OPCML: variants seen among roughly 807,000 people sequenced by gnomAD.
OPCML encodes opioid binding protein/cell adhesion molecule like.
Under a neutral mutation model 37.8 loss-of-function variants are expected in OPCML, and 13 were observed. The observed-to-expected ratio is 0.34, with a 90% CI of 0.22 to 0.55. OPCML has a LOEUF of 0.55. Among genes scored for constraint, OPCML ranks in the 20% least tolerant of loss-of-function variants. OPCML has a pLI of 0.91. For synonymous variants in OPCML, 176 were observed against 168.8 expected (o/e 1.04, Z -0.33); for missense variants, 341 against 435.6 (o/e 0.78, Z 1.93).
At chr11:133,297,762 ATC>A (rs1277454613) in intron 1 of OPCML, 2 of 152,084 alleles carry the variant, frequency 1.3e-5, no homozygotes, top group Admixed American at 6.6e-5. Flanking sequence ...CTAGAGCATG[ATC>A]TCTCTCTCTT....
intron 1 of OPCML, among the ~76,000 whole-genome samples, chr11:133,450,146 C>T (rs1484723051): frequency 6.6e-6 from 1 of 151,778 alleles, no homozygotes; most frequent in South Asian, 2.1e-4. Flanking sequence ...AAAGTCTTCA[C>T]ATCACTGCGA....
intron 1 of OPCML, among the ~76,000 whole-genome samples, chr11:133,510,625 G>A (rs1948134871): frequency 6.6e-6 from 1 of 152,126 alleles, no homozygotes; most frequent in Non-Finnish European, 1.5e-5. Context: ...CAGTGATTTA[G>A]GATAGCATGT....
chr11:133,088,557 T>C (rs1378508537), intron 1 of OPCML, among the ~76,000 whole-genome samples: 1 of 152,210 alleles, frequency 6.6e-6, no homozygotes, highest in Non-Finnish European at 1.5e-5. Flanking sequence ...TCCAATGAAT[T>C]GGGTTACAAT....
intron 1 of OPCML, among the ~76,000 whole-genome samples, chr11:133,083,775 G>A (rs1724192911): frequency 6.6e-6 from 1 of 152,224 alleles, no homozygotes; most frequent in Non-Finnish European, 1.5e-5. Context: ...GACCAGCCCA[G>A]GATCCCACAT....
At chr11:133,452,374 T>C (rs886546198) in intron 1 of OPCML, among the ~76,000 whole-genome samples, 2 of 151,668 alleles carry the variant, frequency 1.3e-5, no homozygotes, top group Admixed American at 6.6e-5. Context: ...CTTTTAAAAA[T>C]AGTTCTTTTA....
intron 2 of OPCML, among the ~76,000 whole-genome samples, chr11:132,711,343 TA>T (rs1196166616): frequency 6.6e-6 from 1 of 152,216 alleles, no homozygotes; most frequent in Non-Finnish European, 1.5e-5. Flanking sequence ...TGACATTCAA[TA>T]GGGCAAATGC....
intron 1 of OPCML, among the ~76,000 whole-genome samples, chr11:133,336,664 A>G (rs532997135): frequency 6.6e-6 from 1 of 152,362 alleles, no homozygotes; most frequent in African/African-American, 2.4e-5. Context: ...TGAGCATTTC[A>G]CTTGGAGTGA....
intron 3 of OPCML, among the ~76,000 whole-genome samples, chr11:132,625,485 G>A (rs1478636940): frequency 1.3e-5 from 2 of 152,104 alleles, no homozygotes; most frequent in East Asian, 1.9e-4. Context: ...TCTCTGAGCC[G>A]AGGCAGTTAC....
intron 4 of OPCML, among the ~76,000 whole-genome samples, chr11:132,463,643 C>T (rs2096110259): frequency 6.6e-6 from 1 of 152,202 alleles, no homozygotes; most frequent in Non-Finnish European, 1.5e-5. Flanking sequence ...AGGTATATCT[C>T]CTGAGCCATT....
intron 1 of OPCML, among the ~76,000 whole-genome samples, chr11:132,950,554 A>G (rs906997094): frequency 2.0e-5 from 3 of 152,210 alleles, no homozygotes; most frequent in Admixed American, 2.0e-4. Flanking sequence ...TCAGGACGAC[A>G]GTGGGAGAAA....
At chr11:132,651,607 C>A (rs776987194) in intron 3 of OPCML, among the ~76,000 whole-genome samples, 1 of 152,132 alleles carries the variant, frequency 6.6e-6, no homozygotes, top group African/African-American at 2.4e-5. Flanking sequence ...ATGTAAGGAA[C>A]GGCTGAGATA....
In OPCML at chr11:132,970,211, T is replaced by C. The variant is rs550249653; in HGVS notation, c.62-27201A>G. ...CTTCATTATGTGTTTTCAAAATACA[T>C]GTTTTTCACTTTTAAATTCATTTTA... On this transcript the variant is annotated intron_variant, in intron 1 of 7. Transcript: ENST00000524381. Among the ~76,000 whole-genome samples the C allele has an allele frequency of 2.2e-4, 33 of 152,298 alleles. 1 individual carries two copies. The South Asian group carries it at 2.7e-3, about 12-fold the overall frequency.
chr11:132,626,104 C>T (rs1265946499), intron 3 of OPCML, among the ~76,000 whole-genome samples: 1 of 151,668 alleles, frequency 6.6e-6, no homozygotes, highest in African/African-American at 2.4e-5. Flanking sequence ...ATAAATAAAA[C>T]AAGTAAGGAC....
intron 1 of OPCML, among the ~76,000 whole-genome samples, chr11:133,198,006 C>T (rs1448939180): frequency 2.0e-5 from 3 of 152,196 alleles, no homozygotes; most frequent in Admixed American, 1.3e-4. Flanking sequence ...GACAGACGAC[C>T]TATTTTCAAG....
chr11:132,463,897 A>G (rs1394255318), intron 4 of OPCML, among the ~76,000 whole-genome samples: 2 of 152,220 alleles, frequency 1.3e-5, no homozygotes, highest in Non-Finnish European at 2.9e-5. Flanking sequence ...AGGTTCAAAC[A>G]CAGCTCAGAC....
At chr11:132,515,935 G>A (rs565264048) in intron 4 of OPCML, among the ~76,000 whole-genome samples, 1 of 152,158 alleles carries the variant, frequency 6.6e-6, no homozygotes. Context: ...ACTGGATGGC[G>A]TAAGATGGTA....
At chr11:133,062,636 G>A (rs908401946) in intron 1 of OPCML, among the ~76,000 whole-genome samples, 1 of 152,174 alleles carries the variant, frequency 6.6e-6, no homozygotes, top group African/African-American at 2.4e-5. Context: ...TCTGAGCCCT[G>A]CTTGTAGATT....
intron 3 of OPCML, among the ~76,000 whole-genome samples, chr11:132,572,617 T>C (rs751620685): frequency 3.3e-5 from 5 of 152,122 alleles, no homozygotes; most frequent in African/African-American, 4.8e-5. Flanking sequence ...GTATGGCTTT[T>C]TAAATGCCAG....
rs140303827 is a variant in OPCML, at chr11:133,415,658, C to T, written c.61+116606G>A. 3.3e-5 allele frequency among the ~76,000 whole-genome samples: 5 copies of T among 152,264 alleles called. No individual in the cohort carries two copies. The East Asian group carries it at 9.6e-4, about 29-fold the overall frequency. ...GGAACCTGTGCATGTGGTACCTCAC[C>T]TGGCAAAACAGACTTTGCAGCTGTG... is the stretch of plus-strand genomic sequence containing the variant. On this transcript the variant is annotated intron_variant, in intron 1 of 7. Transcript: ENST00000524381.
Sources: allele counts gnomAD v4.1 joint callset (sites outside exome capture counted in the v4.1 genomes callset), GRCh38; gene constraint gnomAD v4.1.1; transcripts MANE v1.5; gene names NCBI Gene and HGNC (gene_info 2026-07-23, HGNC 2026-07-21).